The following NME7 variants were observed in gnomAD, a reference collection of about 807,000 sequenced individuals.
NME7 encodes nucleoside diphosphate kinase 7.
In NME7, 41 loss-of-function variants were observed where a neutral mutation model predicts 49.1. The observed-to-expected ratio is 0.83, with a 90% confidence interval of 0.65 to 1.08. The LOEUF (loss-of-function observed/expected upper bound fraction) is 1.08, where lower values mean the gene tolerates loss of function less well. Ranked by LOEUF, NME7 falls within the 50% of genes least tolerant of loss-of-function variation. NME7 has a pLI of 0.00. For missense variants in NME7, 423 were observed against 463.4 expected, an observed-to-expected ratio of 0.91 and a Z score of 0.80; for synonymous variants, 139 against 150.6, an observed-to-expected ratio of 0.92 and a Z score of 0.56.
At chr1:169,181,144 A>ATCTG (rs1444802565) in intron 10 of NME7, among the ~76,000 whole-genome samples, 13 of 147,506 alleles carry the variant, frequency 8.8e-5, no homozygotes, top group African/African-American at 3.5e-4. Context: ...TTATCTATCT[A>ATCTG]TCTATCTATC....
At chr1:169,190,679 C>T (rs755045508) in intron 10 of NME7, 4 of 444,684 alleles carry the variant, frequency 9.0e-6, no homozygotes, top group African/African-American at 8.2e-5. Flanking sequence ...CCTAAATTCA[C>T]TTGTGAGAAA....
chr1:169,349,020 T>TAA (rs34870158), intron 1 of NME7, among the ~76,000 whole-genome samples: 1 of 152,084 alleles, frequency 6.6e-6, no homozygotes, highest in Non-Finnish European at 1.5e-5. Context: ...TTGGGTATTT[T>TAA]AAAAAACTGA....
intron 10 of NME7, among the ~76,000 whole-genome samples, chr1:169,179,133 T>C (rs1396343471): frequency 2.0e-5 from 3 of 152,174 alleles, no homozygotes; most frequent in Non-Finnish European, 4.4e-5. Flanking sequence ...AAACCTCTTG[T>C]ATAGCAGTGA....
chr1:169,360,729 C>T (rs894480230), intron 1 of NME7, among the ~76,000 whole-genome samples: 2 of 151,928 alleles, frequency 1.3e-5, no homozygotes, highest in Non-Finnish European at 2.9e-5. Flanking sequence ...TCATGAGGAC[C>T]GTCCCTGATT....
intron 7 of NME7, among the ~76,000 whole-genome samples, chr1:169,238,730 T>C (rs1026481318): frequency 2.6e-5 from 4 of 152,000 alleles, no homozygotes; most frequent in Non-Finnish European, 5.9e-5. Context: ...TAGCATGCTG[T>C]AGAAACAAAG....
intron 10 of NME7, among the ~76,000 whole-genome samples, chr1:169,189,787 C>T (rs1660165297): frequency 6.6e-6 from 1 of 152,096 alleles, no homozygotes; most frequent in Non-Finnish European, 1.5e-5. Context: ...ACTGTTTGTA[C>T]AACTAATGTC....
chr1:169,190,854 C>T, intron 10 of NME7: 1 of 95,160 alleles, frequency 1.1e-5, no homozygotes, highest in Non-Finnish European at 2.0e-5. Flanking sequence ...GCTCTGTCGC[C>T]CAGGCTGGAG....
intron 10 of NME7, among the ~76,000 whole-genome samples, chr1:169,227,194 G>C (rs752220538): frequency 6.6e-6 from 1 of 152,152 alleles, no homozygotes; most frequent in Non-Finnish European, 1.5e-5. Flanking sequence ...TCACTCCCCA[G>C]CTCCTCCCGA....
At chr1:169,171,457 A>C (rs996595333) in intron 10 of NME7, among the ~76,000 whole-genome samples, 12 of 152,146 alleles carry the variant, frequency 7.9e-5, no homozygotes, top group African/African-American at 2.9e-4. Flanking sequence ...CAGCACTTGA[A>C]ATCTGAAGAG....
intron 11 of NME7, among the ~76,000 whole-genome samples, chr1:169,168,519 A>C (rs2101842562): frequency 6.6e-6 from 1 of 151,888 alleles, no homozygotes; most frequent in Non-Finnish European, 1.5e-5. Context: ...GTGGCCTTGA[A>C]CTCCTGGCTT....
intron 1 of NME7, among the ~76,000 whole-genome samples, chr1:169,342,090 TG>T (rs1243927537): frequency 6.6e-6 from 1 of 151,948 alleles, no homozygotes; most frequent in Non-Finnish European, 1.5e-5. Context: ...GGGCCAGGGG[TG>T]GAATAATATG....
At chr1:169,283,985 T>C (rs1390926219) in intron 7 of NME7, 2 of 152,194 alleles carry the variant, frequency 1.3e-5, no homozygotes, top group South Asian at 2.1e-4. Flanking sequence ...TGAATTTGAA[T>C]GTTGGTCTGT....
intron 7 of NME7, among the ~76,000 whole-genome samples, chr1:169,257,964 C>T (rs1186564429): frequency 7.5e-6 from 1 of 133,554 alleles, no homozygotes; most frequent in Admixed American, 7.4e-5. Context: ...ACCATGGATC[C>T]ATTAACTTTA....
chr1:169,341,102 G>A (rs375860822), intron 1 of NME7, among the ~76,000 whole-genome samples: 29 of 152,316 alleles, frequency 1.9e-4, no homozygotes, highest in East Asian at 1.5e-3. Flanking sequence ...AGAGATCTTC[G>A]TGGCAGCCCC....
intron 9 of NME7, among the ~76,000 whole-genome samples, chr1:169,234,317 A>T (rs1319766940): frequency 6.6e-6 from 1 of 152,152 alleles, no homozygotes; most frequent in Non-Finnish European, 1.5e-5. Flanking sequence ...TTTTTTGTTC[A>T]TCACTGATTA....
In NME7 at chr1:169,132,641, T is replaced by C; in HGVS notation, c.*144A>G. 1 of 682,376 alleles carries C rather than the reference T, an allele frequency of 1.5e-6. No individual in the cohort carries two copies. The highest frequency in any genetic ancestry group is 2.4e-6 in the Non-Finnish European group (1 of 408,350). The allele number at this position is 682,376 out of a possible 1,614,324, so 42.3% of individuals were successfully genotyped here. A position where few individuals can be genotyped will look rare whatever the true frequency, so the allele number is the denominator to read the frequency against. On this transcript the variant is annotated 3_prime_UTR_variant, in exon 12 of 12. Transcript: ENST00000367811. ...AAAATCCATGTTCTAACATATGTAA[T>C]AATTGCCAGGAGTACAGTGCTCTTG...
intron 11 of NME7, among the ~76,000 whole-genome samples, chr1:169,162,025 A>G (rs1659262404): frequency 6.6e-6 from 1 of 152,094 alleles, no homozygotes; most frequent in African/African-American, 2.4e-5. Context: ...TTATGACTCA[A>G]CTGATCCTGT....
chr1:169,275,478 C>CAAAAAAA (rs57449323), intron 7 of NME7, among the ~76,000 whole-genome samples: 1 of 29,874 alleles, frequency 3.3e-5, no homozygotes, highest in African/African-American at 9.7e-5. Context: ...AACTCCGTCT[C>CAAAAAAA]AAAAAAAAAA....
intron 1 of NME7, among the ~76,000 whole-genome samples, chr1:169,327,610 G>A (rs1030877315): frequency 1.3e-5 from 2 of 152,032 alleles, no homozygotes; most frequent in African/African-American, 4.8e-5. Flanking sequence ...GGTAAGTAAC[G>A]TAAACAATTT....
Sources: allele counts gnomAD v4.1 joint callset (sites outside exome capture counted in the v4.1 genomes callset), GRCh38; gene constraint gnomAD v4.1.1; transcripts MANE v1.5; gene names NCBI Gene and HGNC (gene_info 2026-07-23, HGNC 2026-07-21).